The following BRSK2 variants were observed in gnomAD, a reference collection of about 807,000 sequenced individuals.
BRSK2 encodes BR serine/threonine kinase 2.
In BRSK2, 19 loss-of-function variants were observed where a neutral mutation model predicts 83.3. That is an observed-to-expected ratio of 0.23 (90% CI 0.16 to 0.33). The LOEUF is 0.33. Among genes scored for constraint, BRSK2 ranks in the 10% least tolerant of loss-of-function variants. The pLI, the probability that BRSK2 is intolerant of heterozygous loss-of-function variation, is 1.00. For missense variants in BRSK2, 798 were observed against 1,042.3 expected, an observed-to-expected ratio of 0.77 and a Z score of 3.23; for synonymous variants, 519 against 435.4, an observed-to-expected ratio of 1.19 and a Z score of -2.39.
intron 17 of BRSK2, 28 bp from the exon 18 acceptor site, chr11:1,456,570 C>G (rs1296826966): frequency 6.2e-7 from 1 of 1,607,612 alleles, no homozygotes; most frequent in Non-Finnish European, 8.5e-7. Context: ...CCAGGCCCGT[C>G]CAGGGCATAA....
chr11:1,406,218 C>T (rs1846866223), intron 1 of BRSK2, among the ~76,000 whole-genome samples: 1 of 152,174 alleles, frequency 6.6e-6, no homozygotes, highest in Non-Finnish European at 1.5e-5. Flanking sequence ...CGCCTGTAAT[C>T]CCAGCACTTT....
At position 1,447,509 on chromosome 11, in the gene BRSK2, C is replaced by T. The variant is rs910213985; in HGVS notation, c.1226+1602C>T. Among the ~76,000 whole-genome samples, 14 of 152,320 alleles carry T rather than the reference C, an allele frequency of 9.2e-5. No individual in the cohort carries two copies. The East Asian group carries it at 2.3e-3, about 25-fold the overall frequency. On this transcript the variant is annotated intron_variant, in intron 12 of 19. Transcript: ENST00000528841. ...CAGCCAGATTCCACTCCTGGTGGGG[C>T]CACCTGTGCAGCCAGCAGAGACCCA...
rs145293076 is a variant in BRSK2, at chr11:1,416,489, C to T, written c.92-19551C>T. The stretch of plus-strand genomic sequence containing the variant: ...TGGCCTGGGCTCACCTCCCTCGGAC[C>T]GAAGGGCTTCCCACACGTCTGTGTC... On this transcript the variant is annotated intron_variant, in intron 1 of 19. Coordinates refer to ENST00000528841, the MANE Select transcript of BRSK2 (RefSeq NM_001256627.2). Among the ~76,000 whole-genome samples the T allele has an allele frequency of 7.4e-3, 1,134 of 152,316 alleles. 18 individuals are homozygous for T. The highest frequency in any genetic ancestry group is 0.025 in the African/African-American group (1,042 of 41,556).
intron 1 of BRSK2, chr11:1,411,012 C>T (rs576585415): frequency 3.2e-5 from 32 of 1,006,286 alleles, no homozygotes; most frequent in South Asian, 1.4e-4. Flanking sequence ...AGAGAACAGC[C>T]GTGCGTCTGC....
At chr11:1,404,460 C>T (rs1320902346) in intron 1 of BRSK2, among the ~76,000 whole-genome samples, 2 of 152,334 alleles carry the variant, frequency 1.3e-5, no homozygotes, top group South Asian at 4.1e-4. Flanking sequence ...CTGATCCTTG[C>T]CCTTGCTCTG....
intron 8 of BRSK2, among the ~76,000 whole-genome samples, chr11:1,444,155 T>G (rs1349001092): frequency 6.6e-6 from 1 of 152,064 alleles, no homozygotes; most frequent in Non-Finnish European, 1.5e-5. Context: ...GCACTGGTGC[T>G]TCCCCATCAC....
intron 5 of BRSK2, among the ~76,000 whole-genome samples, chr11:1,442,896 C>T (rs370688063): frequency 1.1e-4 from 16 of 152,244 alleles, no homozygotes; most frequent in African/African-American, 3.6e-4. Flanking sequence ...CCTGCCCAGC[C>T]GAGTGGGCAG....
At chr11:1,437,663 GC>G (rs1421407212) in intron 2 of BRSK2, among the ~76,000 whole-genome samples, 2 of 152,208 alleles carry the variant, frequency 1.3e-5, no homozygotes, top group African/African-American at 4.8e-5. Flanking sequence ...CAGGATGCCT[GC>G]CCCCACCTCA....
In BRSK2 at chr11:1,454,669, C is replaced by T. The variant is rs755349187; in HGVS notation, c.1668+61C>T. The T allele has an allele frequency of 1.8e-4, 289 of 1,594,244 alleles. No individual in the cohort carries two copies. The highest frequency in any genetic ancestry group is 2.2e-4 in the Non-Finnish European group (260 of 1,169,786). ...CTCCCAACCCCACACGGCCCAGCCC[C>T]GAGAATCCAGCCTCCTCACGTAGAC... On this transcript the variant is annotated intron_variant, in intron 16 of 19. Coordinates refer to ENST00000528841, the MANE Select transcript of BRSK2 (RefSeq NM_001256627.2). The surrounding 1 kb of genome is among the most constrained non-coding windows in gnomAD (Gnocchi z 5.2).
At chr11:1,436,270 G>A (rs938373251) in intron 2 of BRSK2, 136 bp downstream of exon 2, 13 of 737,710 alleles carry the variant, frequency 1.8e-5, no homozygotes, top group South Asian at 5.6e-5. Flanking sequence ...CTCCTGGGCC[G>A]CCACACCCCT....
At chr11:1,439,685 T>C (rs1238073010) in intron 3 of BRSK2, among the ~76,000 whole-genome samples, 2 of 151,890 alleles carry the variant, frequency 1.3e-5, no homozygotes, top group East Asian at 3.9e-4. Context: ...TGGCCTATGC[T>C]GAGCCTTGGG....
intron 1 of BRSK2, among the ~76,000 whole-genome samples, chr11:1,417,397 T>G (rs1848200313): frequency 6.6e-6 from 1 of 152,252 alleles, no homozygotes; most frequent in Non-Finnish European, 1.5e-5. Context: ...CTGAATTAAT[T>G]TCGTTCATCT....
intron 1 of BRSK2, among the ~76,000 whole-genome samples, chr11:1,396,662 TC>T (rs1434982566): frequency 2.0e-5 from 3 of 152,200 alleles, no homozygotes; most frequent in Non-Finnish European, 4.4e-5. Flanking sequence ...TGCCTTCCAG[TC>T]CTCACTGGGC....
At chr11:1,415,045 A>C (rs1847948013) in intron 1 of BRSK2, among the ~76,000 whole-genome samples, 1 of 149,870 alleles carries the variant, frequency 6.7e-6, no homozygotes, top group African/African-American at 2.5e-5. Context: ...TGGGTCCCTG[A>C]GCTCAGTTCC....
At chr11:1,459,424 C>T (rs1847121702) in intron 19 of BRSK2, 185 bp downstream of exon 19, 1 of 652,054 alleles carries the variant, frequency 1.5e-6, no homozygotes, top group African/African-American at 1.8e-5. Context: ...TCCCCTACCA[C>T]AGCAAGCCCA....
chr11:1,428,286 C>T (rs1849486428), intron 1 of BRSK2, among the ~76,000 whole-genome samples: 3 of 152,166 alleles, frequency 2.0e-5, no homozygotes, highest in Non-Finnish European at 4.4e-5. Context: ...ACCTGCAGCC[C>T]CCAGACTCCA....
chr11:1,401,163 C>T (rs577927335), intron 1 of BRSK2, among the ~76,000 whole-genome samples: 37 of 152,328 alleles, frequency 2.4e-4, no homozygotes, highest in African/African-American at 7.9e-4. Flanking sequence ...CTGCCCACTC[C>T]GCAGGCCTCT....
At chr11:1,426,677 G>C (rs1227927028) in intron 1 of BRSK2, among the ~76,000 whole-genome samples, 1 of 152,150 alleles carries the variant, frequency 6.6e-6, no homozygotes, top group Non-Finnish European at 1.5e-5. Context: ...TCACCTGTGA[G>C]GTGTCCTCCC....
At chr11:1,426,034 C>T (rs1023314852) in intron 1 of BRSK2, among the ~76,000 whole-genome samples, 3 of 152,244 alleles carry the variant, frequency 2.0e-5, no homozygotes, top group African/African-American at 7.2e-5. Context: ...CCCCCTAAAC[C>T]CAGTGCTCTG....
Sources: gnomAD v4.1 joint callset for allele counts (sites outside exome capture counted in the v4.1 genomes callset) on GRCh38, gnomAD v4.1.1 for gene constraint, Gnocchi (gnomAD v3.1) non-coding constraint, MANE v1.5 for transcripts, NCBI Gene and HGNC (gene_info 2026-07-23, HGNC 2026-07-21) for gene names.